The following FAM110B variants were observed in gnomAD, a reference collection of about 807,000 sequenced individuals.
FAM110B encodes protein FAM110B.
In FAM110B, 6 loss-of-function variants were observed where a neutral mutation model predicts 20.4. That is an observed-to-expected ratio of 0.29 (90% CI 0.16 to 0.58). The LOEUF is 0.58. Among genes scored for constraint, FAM110B ranks in the 20% least tolerant of loss-of-function variants. The pLI, the probability that FAM110B is intolerant of heterozygous loss-of-function variation, is 0.90. For synonymous variants in FAM110B, 226 were observed against 214.1 expected, an observed-to-expected ratio of 1.06 and a Z score of -0.49; for missense variants, 434 against 498.2, an observed-to-expected ratio of 0.87 and a Z score of 1.23.
At chr8:58,085,799 AT>A (rs1278554302) in intron 3 of FAM110B, among the ~76,000 whole-genome samples, 1 of 152,186 alleles carries the variant, frequency 6.6e-6, no homozygotes, top group Admixed American at 6.5e-5. Flanking sequence ...GGGGTGGTTT[AT>A]CCCCCACTGC....
chr8:58,108,064 C>T (rs1019026454), intron 3 of FAM110B, among the ~76,000 whole-genome samples: 1 of 152,120 alleles, frequency 6.6e-6, no homozygotes, highest in Non-Finnish European at 1.5e-5. Flanking sequence ...GAAGAGGGCC[C>T]TTCTTATACA....
Position 58,053,746 on chromosome 8 carries a change from A to G in FAM110B, c.-413-21789A>G, listed in dbSNP as rs181195723. ...ATGTTTCATTATGAACTTTTATTCA[A>G]TATTTGGCTTAACTTAAAATGTTTT... On this transcript the variant is annotated intron_variant, in intron 2 of 3. Transcript: ENST00000519262. Among the ~76,000 whole-genome samples the G allele has an allele frequency of 6.4e-4, 97 of 152,328 alleles. 1 individual carries two copies. The highest frequency in any genetic ancestry group is 1.1e-3 in the Non-Finnish European group (76 of 68,032).
intron 2 of FAM110B, among the ~76,000 whole-genome samples, chr8:58,063,925 G>A (rs1161414829): frequency 6.6e-6 from 1 of 152,170 alleles, no homozygotes; most frequent in East Asian, 1.9e-4. Context: ...AAGAAAAGAG[G>A]TTTAATTGGC....
rs185285109 is a variant in FAM110B, at chr8:58,143,770, G to A, written c.-324-2137G>A. Reference sequence around the variant, plus strand: ...GTGCATGGAAGGCCACGCCAGTGGTGTAGGTGTTTTAGGCTTCTGGTCCTA... The same window carrying A: ...GTGCATGGAAGGCCACGCCAGTGGTATAGGTGTTTTAGGCTTCTGGTCCTA... On this transcript the variant is annotated intron_variant, in intron 3 of 3. Transcript: ENST00000519262. 7.7e-4 allele frequency among the ~76,000 whole-genome samples: 117 copies of A among 152,344 alleles called. No individual in the cohort carries two copies. The Middle Eastern group carries it at 0.014, about 18-fold the overall frequency.
chr8:58,038,087 G>A (rs1052283438), intron 2 of FAM110B, among the ~76,000 whole-genome samples: 4 of 152,106 alleles, frequency 2.6e-5, no homozygotes, highest in Non-Finnish European at 5.9e-5. Context: ...TTTAATCTTC[G>A]AAAGATACGA....
intron 3 of FAM110B, among the ~76,000 whole-genome samples, chr8:58,137,297 T>C (rs763932793): frequency 2.6e-4 from 40 of 152,298 alleles, no homozygotes; most frequent in Admixed American, 5.9e-4. Flanking sequence ...CGGTGGCTCA[T>C]GCCTGTAATC....
At chr8:58,072,288 G>C (rs1348728615) in intron 2 of FAM110B, among the ~76,000 whole-genome samples, 2 of 152,220 alleles carry the variant, frequency 1.3e-5, no homozygotes, top group Non-Finnish European at 2.9e-5. Flanking sequence ...GTCATGGAAA[G>C]ATGTAGGAAG....
At chr8:58,094,971 G>C (rs980174826) in intron 3 of FAM110B, among the ~76,000 whole-genome samples, 2 of 152,158 alleles carry the variant, frequency 1.3e-5, no homozygotes, top group African/African-American at 4.8e-5. Flanking sequence ...TCATGGTATA[G>C]ACTTGGGAGA....
At chr8:58,006,543 A>G (rs911728782) in intron 1 of FAM110B, among the ~76,000 whole-genome samples, 5 of 152,098 alleles carry the variant, frequency 3.3e-5, no homozygotes, top group Non-Finnish European at 5.9e-5. Flanking sequence ...CAAGTGTAAT[A>G]AAGCTAAAAC....
At chr8:58,020,672 A>G (rs1430638345) in intron 1 of FAM110B, among the ~76,000 whole-genome samples, 1 of 152,256 alleles carries the variant, frequency 6.6e-6, no homozygotes, top group African/African-American at 2.4e-5. Context: ...TATATGGGCT[A>G]CATGATTTCT....
chr8:58,054,158 A>G (rs188114080), intron 2 of FAM110B, among the ~76,000 whole-genome samples: 192 of 152,338 alleles, frequency 1.3e-3, no homozygotes, highest in African/African-American at 4.0e-3. Flanking sequence ...ATTAGGTTAC[A>G]GTTTACTATG....
rs764451198 is a variant in FAM110B, at chr8:58,147,298, T to C, written c.1068T>C (p.Tyr356=). 5.0e-6 allele frequency: 8 copies of C among 1,614,176 alleles called. No homozygotes were observed. The highest frequency in any genetic ancestry group is 1.7e-5 in the Admixed American group (1 of 60,030). ...ATGCTAGAATCATCAAGTGGTTATA[T>C]AGCATCAAACAAGCTAGAGAGTCAC... ...ERNARIIKWL[Y]SIKQARESQK... is the part of the protein sequence containing the mutation. The change falls in exon 4 of 4, where the codon TAT becomes TAC. Residue 356 remains tyrosine, a synonymous_variant. Transcript: ENST00000519262.
At chr8:58,138,509 G>T (rs1447292943) in intron 3 of FAM110B, among the ~76,000 whole-genome samples, 1 of 152,212 alleles carries the variant, frequency 6.6e-6, no homozygotes, top group Non-Finnish European at 1.5e-5. Flanking sequence ...GCTCCAAGGG[G>T]CCTGTGTTGG....
chr8:58,134,889 C>CT (rs1008857981), intron 3 of FAM110B, among the ~76,000 whole-genome samples: 1 of 152,080 alleles, frequency 6.6e-6, no homozygotes, highest in African/African-American at 2.4e-5. Flanking sequence ...AAAATCAAGG[C>CT]TTTTTTTCGT....
intron 3 of FAM110B, among the ~76,000 whole-genome samples, chr8:58,124,565 G>A (rs768731908): frequency 2.0e-5 from 3 of 152,178 alleles, no homozygotes; most frequent in African/African-American, 4.8e-5. Context: ...AGTGATGTAT[G>A]TGAAGAGAGG....
intron 2 of FAM110B, among the ~76,000 whole-genome samples, chr8:58,038,710 T>C (rs1236774140): frequency 6.6e-6 from 1 of 151,528 alleles, no homozygotes; most frequent in Non-Finnish European, 1.5e-5. Context: ...CAAAATCGCA[T>C]CACTGTACTC....
intron 3 of FAM110B, among the ~76,000 whole-genome samples, chr8:58,132,782 G>A (rs1276587410): frequency 6.6e-6 from 1 of 152,190 alleles, no homozygotes; most frequent in Non-Finnish European, 1.5e-5. Context: ...CCAAATATCA[G>A]CAACTACCTT....
intron 3 of FAM110B, among the ~76,000 whole-genome samples, chr8:58,110,451 G>A (rs1205627732): frequency 6.6e-6 from 1 of 152,076 alleles, no homozygotes; most frequent in Non-Finnish European, 1.5e-5. Context: ...TGACTAAAAT[G>A]TCTCAGAAGG....
At chr8:57,995,271 A>G (rs1199160461) in intron 1 of FAM110B, among the ~76,000 whole-genome samples, 3 of 152,120 alleles carry the variant, frequency 2.0e-5, no homozygotes, top group Non-Finnish European at 2.9e-5. Flanking sequence ...CCGCTCCTGA[A>G]TGGTCTCTAA....
Sources: gnomAD v4.1 joint callset for allele counts (sites outside exome capture counted in the v4.1 genomes callset) on GRCh38, gnomAD v4.1.1 for gene constraint, MANE v1.5 for transcripts, NCBI Gene and HGNC (gene_info 2026-07-23, HGNC 2026-07-21) for gene names.